The following UMODL1 variants were observed in gnomAD, a reference collection of about 807,000 sequenced individuals.
UMODL1 encodes the protein uromodulin-like 1.
UMODL1 carries 128 observed loss-of-function variants against 136.3 expected under a neutral mutation model. That is an observed-to-expected ratio of 0.94 (90% confidence interval 0.81 to 1.09). UMODL1 has a LOEUF of 1.09. UMODL1 is among the 50% of genes least tolerant of loss of function. The pLI, the probability that UMODL1 is intolerant of heterozygous loss-of-function variation, is 0.00. For missense variants in UMODL1, 1,766 were observed against 1,725.6 expected (o/e 1.02, Z -0.41); for synonymous variants, 721 against 720.0 (o/e 1.00, Z -0.02).
rs534722735 is a variant in UMODL1, at chr21:42,123,658, G to A, written c.3147+508G>A. 4.6e-4 allele frequency among the ~76,000 whole-genome samples: 70 copies of A among 152,034 alleles called. No individual in the cohort carries two copies. The highest frequency in any genetic ancestry group is 1.4e-3 in the African/African-American group (57 of 41,462). ...GTGCGTGTGTGTGTGCATGTGTATC[G>A]CGTGCTTGTGTGCGTGTGGGTGTGC... is the stretch of plus-strand genomic sequence containing the variant. On this transcript the variant is annotated intron_variant, in intron 17 of 22. Transcript: ENST00000408910. This position sits in a 1 kb window ranked among gnomAD's most constrained non-coding sequence, Gnocchi z 4.4.
At chr21:42,129,031 G>A (rs971025272) in intron 20 of UMODL1, among the ~76,000 whole-genome samples, 3 of 151,898 alleles carry the variant, frequency 2.0e-5, no homozygotes, top group South Asian at 2.1e-4. Context: ...TGGTGGCCTC[G>A]GGCGTTCCTT....
intron 20 of UMODL1, among the ~76,000 whole-genome samples, chr21:42,128,408 G>A (rs1050525335): frequency 2.0e-5 from 3 of 152,188 alleles, no homozygotes; most frequent in African/African-American, 7.2e-5. Context: ...TGTTGTCTGA[G>A]GCAGGGGACA....
chr21:42,141,205 C>T (rs1031216339), intron 22 of UMODL1, among the ~76,000 whole-genome samples: 5 of 152,248 alleles, frequency 3.3e-5, no homozygotes, highest in Admixed American at 2.6e-4. Context: ...CTACAGCACA[C>T]GTTTCCAAAA....
intron 1 of UMODL1, among the ~76,000 whole-genome samples, chr21:42,065,143 T>C (rs1253262623): frequency 6.6e-6 from 1 of 152,158 alleles, no homozygotes; most frequent in African/African-American, 2.4e-5. Flanking sequence ...CTTGGGACAT[T>C]GGTGTTTTCC....
chr21:42,086,752 G>A (rs766238052), intron 4 of UMODL1: 1 of 409,150 alleles, frequency 2.4e-6, no homozygotes, highest in Non-Finnish European at 5.0e-6. Flanking sequence ...GATCACTTGA[G>A]GTCAGGAGTT....
chr21:42,084,829 T>TTA (rs10627237), intron 3 of UMODL1, among the ~76,000 whole-genome samples: 10 of 149,900 alleles, frequency 6.7e-5, no homozygotes, highest in African/African-American at 9.8e-5. Flanking sequence ...ATATCAGATA[T>TTA]TATGATAATA....
intron 5 of UMODL1, among the ~76,000 whole-genome samples, chr21:42,088,979 A>G (rs1393542530): frequency 6.6e-6 from 1 of 152,132 alleles, no homozygotes; most frequent in African/African-American, 2.4e-5. Context: ...GGCAAAGCAC[A>G]TAGACGTGGC....
chr21:42,106,566 C>T (rs1454671323), intron 9 of UMODL1, among the ~76,000 whole-genome samples: 1 of 152,112 alleles, frequency 6.6e-6, no homozygotes, highest in African/African-American at 2.4e-5. Flanking sequence ...CATCCCGGGG[C>T]CTGGGGTTTC....
intron 22 of UMODL1, among the ~76,000 whole-genome samples, chr21:42,138,042 T>C (rs983223881): frequency 1.1e-4 from 17 of 152,062 alleles, no homozygotes; most frequent in African/African-American, 4.1e-4. Flanking sequence ...GGCTCCACGA[T>C]ACCAGCGGCA....
chr21:42,135,196 T>C (rs1443729842), intron 21 of UMODL1, among the ~76,000 whole-genome samples: 1 of 152,254 alleles, frequency 6.6e-6, no homozygotes, highest in African/African-American at 2.4e-5. Flanking sequence ...GCCACACGCA[T>C]GGAGCCTCCC....
Position 42,099,271 on chromosome 21 carries a change from A to G in UMODL1, c.1186+91A>G, listed in dbSNP as rs1436379809. 4.6e-6 allele frequency: 7 copies of G among 1,512,486 alleles called. No homozygotes were observed. In the East Asian group the frequency reaches 1.6e-4, roughly 35 times the overall value. The allele number at this position is 1,512,486 out of a possible 1,614,324, so 93.7% of individuals were successfully genotyped here. ...CCTAGCATGTCGCGTTCTTCTTCCT[A>G]TAACCAGGGCACCAGAAGTCACTGA... On this transcript the variant is annotated intron_variant, in intron 7 of 22. Transcript: ENST00000408910. The surrounding 1 kb of genome is among the most constrained non-coding windows in gnomAD (Gnocchi z 4.1).
At chr21:42,104,694 C>T (rs1008107195) in intron 9 of UMODL1, among the ~76,000 whole-genome samples, 8 of 152,232 alleles carry the variant, frequency 5.3e-5, no homozygotes, top group African/African-American at 1.9e-4. Context: ...AGGTGATCCA[C>T]CTGCCTCAGC....
In UMODL1 at chr21:42,099,066, A is replaced by G. The variant is rs1194117594; in HGVS notation, c.1072A>G (p.Thr358Ala). ...RGMELLRSAR[T>A]QSQALAVAGL... ...TATGGAGTTGCTCAGGAGCGCCAGG[A>G]CACAGAGCCAGGCACTGGCAGTGGC... Residue 358 changes from threonine (T) to alanine (A), a missense_variant, in exon 7 of 23, where the codon ACA becomes GCA. Coordinates refer to ENST00000408910, the MANE Select transcript of UMODL1 (RefSeq NM_001004416.3). The surrounding 1 kb of genome is among the most constrained non-coding windows in gnomAD (Gnocchi z 4.1). 1 of 1,614,212 alleles carries G rather than the reference A, an allele frequency of 6.2e-7. No homozygotes were observed. Among genetic ancestry groups the G allele is most frequent in the Non-Finnish European group, 8.5e-7 (1 of 1,180,050 alleles).
chr21:42,070,055 C>T (rs564048006), upstream of UMODL1, among the ~76,000 whole-genome samples: 1 of 152,298 alleles, frequency 6.6e-6, no homozygotes, highest in African/African-American at 2.4e-5. Context: ...GTCATGGCAT[C>T]TGACATTTAG....
intron 14 of UMODL1, among the ~76,000 whole-genome samples, chr21:42,117,132 C>T (rs1330526902): frequency 5.3e-5 from 8 of 152,200 alleles, no homozygotes; most frequent in African/African-American, 1.9e-4. Context: ...TCCTGGTAAT[C>T]ACTTATCTGC....
chr21:42,126,081 C>A (rs2067049070), intron 17 of UMODL1, among the ~76,000 whole-genome samples: 1 of 152,162 alleles, frequency 6.6e-6, no homozygotes, highest in South Asian at 2.1e-4. Flanking sequence ...ACTAAGTTTC[C>A]CAGAAAGACT....
At chr21:42,109,140 C>T (rs1349994355) in intron 9 of UMODL1, among the ~76,000 whole-genome samples, 1 of 147,086 alleles carries the variant, frequency 6.8e-6, no homozygotes, top group Non-Finnish European at 1.5e-5. Context: ...ACCCCCCATG[C>T]GGAAAGTTCA....
intron 20 of UMODL1, chr21:42,128,092 T>C (rs1369771789): frequency 1.7e-6 from 1 of 587,370 alleles, no homozygotes; most frequent in Admixed American, 2.2e-5. Flanking sequence ...GGCCATAATA[T>C]TCAACCGGCT....
chr21:42,111,293 C>G (rs220127), intron 11 of UMODL1, 172 bp downstream of exon 11: 1,252,523 of 1,577,276 alleles, frequency 0.79, 501,105 homozygotes, highest in East Asian at 0.86. Context: ...CCCCAGCCAG[C>G]GGAGCACCAG....
Sources: gnomAD v4.1 joint callset for allele counts (sites outside exome capture counted in the v4.1 genomes callset) on GRCh38, gnomAD v4.1.1 for gene constraint, Gnocchi (gnomAD v3.1) non-coding constraint, MANE v1.5 for transcripts, NCBI Gene and HGNC (gene_info 2026-07-23, HGNC 2026-07-21) for gene names.